GPR15LG: variants seen among roughly 807,000 people sequenced by gnomAD.
GPR15LG encodes the protein G protein-coupled receptor 15 ligand.
At chr10:84,181,633 C>A in the GPR15LG span, among the ~76,000 whole-genome samples, 1 of 152,014 alleles carries the variant, frequency 6.6e-6, no homozygotes, top group Admixed American at 6.6e-5. Flanking sequence ...GATGCCCAGG[C>A]TGGTCTTGAA....
chr10:84,176,475 C>A, the GPR15LG span: 2 of 1,608,680 alleles, frequency 1.2e-6, no homozygotes, highest in Non-Finnish European at 1.7e-6. Flanking sequence ...TGTGTCCACC[C>A]TCAGGGAAGA....
chr10:84,180,932 G>A, the GPR15LG span, among the ~76,000 whole-genome samples: 1 of 152,206 alleles, frequency 6.6e-6, no homozygotes, highest in Non-Finnish European at 1.5e-5. Context: ...CAAAAAATAC[G>A]AAAACCAGTC....
the GPR15LG span, among the ~76,000 whole-genome samples, chr10:84,179,077 G>A: frequency 2.6e-5 from 4 of 152,196 alleles, no homozygotes; most frequent in Admixed American, 6.5e-5. Context: ...AGACATGCGC[G>A]TGCAAGCCAG....
chr10:84,176,912 G>C, the GPR15LG span, among the ~76,000 whole-genome samples: 1 of 152,156 alleles, frequency 6.6e-6, no homozygotes, highest in Non-Finnish European at 1.5e-5. Flanking sequence ...GGTGGGGGAT[G>C]CAGGCAGAGG....
At chr10:84,176,616 T>C in the GPR15LG span, 2 of 1,395,700 alleles carry the variant, frequency 1.4e-6, no homozygotes, top group Non-Finnish European at 2.0e-6. Flanking sequence ...AGTTCTACAG[T>C]GGCCATGGGA....
chr10:84,184,134 A>T, the GPR15LG span, among the ~76,000 whole-genome samples: 3 of 150,900 alleles, frequency 2.0e-5, no homozygotes, highest in Non-Finnish European at 4.4e-5. Flanking sequence ...AGCCTAGGCG[A>T]CATAAGGAGA....
chr10:84,177,782 C>G, the GPR15LG span, among the ~76,000 whole-genome samples: 70,406 of 152,026 alleles, frequency 0.46, 17,458 homozygotes, highest in African/African-American at 0.62. Flanking sequence ...CTCTGCTCCC[C>G]CAGGCCCCTG....
At chr10:84,184,170 A>AC in the GPR15LG span, among the ~76,000 whole-genome samples, 1,178 of 151,546 alleles carry the variant, frequency 7.8e-3, 17 homozygotes, top group African/African-American at 0.027. Context: ...AAAAAAAAAA[A>AC]AAAAAACTAT....
chr10:84,184,568 A>G, the GPR15LG span: 3 of 1,126,406 alleles, frequency 2.7e-6, no homozygotes, highest in Non-Finnish European at 4.0e-6. Flanking sequence ...TTTTTTTTTA[A>G]ATGTGTTTGA....
At chr10:84,175,433 C>T in the GPR15LG span, among the ~76,000 whole-genome samples, 2 of 152,182 alleles carry the variant, frequency 1.3e-5, no homozygotes, top group East Asian at 3.8e-4. Flanking sequence ...CTAATATTTT[C>T]AGGTATAACT....
the GPR15LG span, chr10:84,184,608 C>T: frequency 1.4e-6 from 2 of 1,438,618 alleles, no homozygotes; most frequent in Admixed American, 1.8e-5. Flanking sequence ...TTTCCTCTCT[C>T]TCCCCACAAC....
At chr10:84,184,732 T>G in the GPR15LG span, 1 of 1,613,680 alleles carries the variant, frequency 6.2e-7, no homozygotes, top group South Asian at 1.1e-5. Flanking sequence ...GAGCCCCGCC[T>G]TTGGGTGGTG....
chr10:84,184,540 C>A, the GPR15LG span: 1 of 886,322 alleles, frequency 1.1e-6, no homozygotes, highest in Non-Finnish European at 1.8e-6. Context: ...AGCATAAGAT[C>A]TAATTCTTGC....
At chr10:84,180,795 A>T in the GPR15LG span, among the ~76,000 whole-genome samples, 1 of 152,248 alleles carries the variant, frequency 6.6e-6, no homozygotes, top group Non-Finnish European at 1.5e-5. Flanking sequence ...AGCCTGGGCA[A>T]CATTGAGCAC....
the GPR15LG span, among the ~76,000 whole-genome samples, chr10:84,180,355 G>T: frequency 6.6e-6 from 1 of 152,084 alleles, no homozygotes; most frequent in African/African-American, 2.4e-5. Context: ...AGACAAAACC[G>T]CCATTGTCAT....
the GPR15LG span, chr10:84,176,499 G>A: frequency 1.2e-6 from 2 of 1,613,502 alleles, no homozygotes; most frequent in Non-Finnish European, 1.7e-6. Context: ...GTCCTGCCAA[G>A]GCCTGGTCAG....
At chr10:84,177,469 C>T in the GPR15LG span, among the ~76,000 whole-genome samples, 199 of 152,322 alleles carry the variant, frequency 1.3e-3, 1 homozygote, top group Admixed American at 2.8e-3. Context: ...CTGAGGAGGT[C>T]CCGGCCCCAC....
the GPR15LG span, chr10:84,184,999 C>T: frequency 6.7e-4 from 916 of 1,368,930 alleles, 6 homozygotes; most frequent in East Asian, 0.014. Flanking sequence ...GGGCCTCAGT[C>T]GCCACCATGT....
At chr10:84,176,422 G>A in the GPR15LG span, 3 of 1,229,800 alleles carry the variant, frequency 2.4e-6, no homozygotes, top group South Asian at 1.2e-5. Flanking sequence ...GGAAGGGGAA[G>A]CTCACTCACA....
Sources: gnomAD v4.1 joint callset for allele counts (sites outside exome capture counted in the v4.1 genomes callset) on GRCh38, gnomAD v4.1.1 for gene constraint, MANE v1.5 for transcripts, NCBI Gene and HGNC (gene_info 2026-07-23, HGNC 2026-07-21) for gene names.